The following MAGI2 variants were observed in gnomAD, a reference collection of about 807,000 sequenced individuals.
MAGI2 encodes the protein membrane associated guanylate kinase, WW and PDZ domain containing 2, also known as membrane-associated guanylate kinase, WW and PDZ domain-containing protein 2.
Under a neutral mutation model 133.3 loss-of-function variants are expected in MAGI2, and 35 were observed. The ratio of observed to expected loss-of-function variants is 0.26; its 90% CI spans 0.20 to 0.35. The LOEUF (loss-of-function observed/expected upper bound fraction) is 0.35. Among genes scored for constraint, MAGI2 ranks in the 10% least tolerant of loss-of-function variants. MAGI2 has a pLI of 1.00. For synonymous variants in MAGI2, 729 were observed against 710.6 expected, an observed-to-expected ratio of 1.03 and a Z score of -0.41; for missense variants, 1,636 against 1,863.4, an observed-to-expected ratio of 0.88 and a Z score of 2.25.
intron 2 of MAGI2, among the ~76,000 whole-genome samples, chr7:78,913,160 T>C (rs1006157392): frequency 2.6e-5 from 4 of 152,068 alleles, no homozygotes; most frequent in Non-Finnish European, 5.9e-5. Flanking sequence ...AGAAAATTGA[T>C]ATGGTTTGGC....
intron 9 of MAGI2, among the ~76,000 whole-genome samples, chr7:78,264,810 A>C (rs1793839973): frequency 6.6e-6 from 1 of 152,150 alleles, no homozygotes; most frequent in Non-Finnish European, 1.5e-5. Context: ...TCTGATGAAA[A>C]TGTGGAAAGC....
At chr7:79,201,873 T>G (rs1452982758) in intron 1 of MAGI2, among the ~76,000 whole-genome samples, 1 of 152,058 alleles carries the variant, frequency 6.6e-6, no homozygotes, top group African/African-American at 2.4e-5. Flanking sequence ...TCAATTTTTG[T>G]CTTAGTTAAT....
intron 2 of MAGI2, among the ~76,000 whole-genome samples, chr7:78,707,100 AC>A (rs1209308966): frequency 3.3e-5 from 5 of 152,250 alleles, no homozygotes; most frequent in African/African-American, 1.2e-4. Context: ...AGCTGGGTTT[AC>A]CTCAAGAGCC....
At chr7:79,366,012 C>T (rs946655341) in intron 1 of MAGI2, among the ~76,000 whole-genome samples, 7 of 150,238 alleles carry the variant, frequency 4.7e-5, no homozygotes, top group Non-Finnish European at 8.9e-5. Flanking sequence ...GAAGCCGACA[C>T]AGGAGGATCA....
intron 2 of MAGI2, among the ~76,000 whole-genome samples, chr7:78,673,813 G>T (rs1563334861): frequency 6.6e-6 from 1 of 152,028 alleles, no homozygotes; most frequent in Non-Finnish European, 1.5e-5. Context: ...CAAATATCTG[G>T]ACAATCCGTG....
chr7:78,022,526 T>A (rs902152414), intron 21 of MAGI2, among the ~76,000 whole-genome samples: 10 of 152,236 alleles, frequency 6.6e-5, no homozygotes, highest in Non-Finnish European at 1.2e-4. Flanking sequence ...TTTGGGTTTC[T>A]TTACTCTTTT....
intron 5 of MAGI2, among the ~76,000 whole-genome samples, chr7:78,492,630 G>C (rs544436452): frequency 4.6e-5 from 7 of 152,108 alleles, no homozygotes; most frequent in Non-Finnish European, 7.4e-5. Flanking sequence ...ATAATTGAGG[G>C]ATTCTTCCAC....
At chr7:79,166,996 C>T (rs1824992042) in intron 1 of MAGI2, among the ~76,000 whole-genome samples, 1 of 152,006 alleles carries the variant, frequency 6.6e-6, no homozygotes, top group Non-Finnish European at 1.5e-5. Flanking sequence ...AGGTATACTA[C>T]TCCTCAGGAG....
intron 1 of MAGI2, among the ~76,000 whole-genome samples, chr7:79,170,000 C>T (rs1227310952): frequency 2.0e-5 from 3 of 151,686 alleles, no homozygotes; most frequent in Admixed American, 6.6e-5. Flanking sequence ...ATTCAATTTC[C>T]CTTAATTTGG....
At chr7:78,322,656 T>C (rs1329121077) in intron 9 of MAGI2, among the ~76,000 whole-genome samples, 1 of 152,102 alleles carries the variant, frequency 6.6e-6, no homozygotes, top group East Asian at 1.9e-4. Flanking sequence ...AAATACCTAA[T>C]GTAGATGACA....
intron 1 of MAGI2, among the ~76,000 whole-genome samples, chr7:79,373,955 T>C (rs1289971312): frequency 6.6e-6 from 1 of 152,030 alleles, no homozygotes; most frequent in African/African-American, 2.4e-5. Flanking sequence ...TTTTATGCCA[T>C]ATTTGTATAA....
chr7:78,132,759 C>T (rs976470972), intron 18 of MAGI2, 130 bp downstream of exon 18: 3 of 1,341,516 alleles, frequency 2.2e-6, no homozygotes, highest in Middle Eastern at 1.9e-4. Flanking sequence ...CGAAATCACA[C>T]AAAGGTATGC....
intron 2 of MAGI2, among the ~76,000 whole-genome samples, chr7:78,685,618 A>G (rs1816204574): frequency 6.6e-6 from 1 of 150,828 alleles, no homozygotes; most frequent in African/African-American, 2.4e-5. Flanking sequence ...TTTTGAACTG[A>G]AAGTCATTAT....
At chr7:78,984,465 T>G (rs571880911) in intron 2 of MAGI2, among the ~76,000 whole-genome samples, 1 of 151,994 alleles carries the variant, frequency 6.6e-6, no homozygotes, top group African/African-American at 2.4e-5. Context: ...CTCCCCTTCC[T>G]TCCCATTAAT....
chr7:78,360,666 T>C (rs762940109), intron 7 of MAGI2, among the ~76,000 whole-genome samples: 1 of 152,200 alleles, frequency 6.6e-6, no homozygotes, highest in Non-Finnish European at 1.5e-5. Flanking sequence ...CTAGCAGTGT[T>C]TTCTGGGTTG....
chr7:78,553,168 A>G (rs1162652985), intron 3 of MAGI2, among the ~76,000 whole-genome samples: 1 of 151,912 alleles, frequency 6.6e-6, no homozygotes, highest in Non-Finnish European at 1.5e-5. Flanking sequence ...GTAACGGCCT[A>G]GGTTTTACAA....
intron 2 of MAGI2, among the ~76,000 whole-genome samples, chr7:78,680,470 A>T (rs936837072): frequency 9.9e-5 from 15 of 152,148 alleles, no homozygotes; most frequent in African/African-American, 3.6e-4. Context: ...CAATAAAAGA[A>T]CAGGATTGAG....
chr7:78,888,196 T>C (rs1449913426), intron 2 of MAGI2, among the ~76,000 whole-genome samples: 4 of 152,168 alleles, frequency 2.6e-5, no homozygotes, highest in Non-Finnish European at 5.9e-5. Flanking sequence ...GCGCCCACCA[T>C]TGCTGAGGCT....
intron 20 of MAGI2, among the ~76,000 whole-genome samples, chr7:78,124,569 G>A (rs989783958): frequency 6.6e-6 from 1 of 152,226 alleles, no homozygotes; most frequent in South Asian, 2.1e-4. Context: ...TGGTTGGTGA[G>A]GCTCTGCACA....
Sources: gnomAD v4.1 joint callset for allele counts (sites outside exome capture counted in the v4.1 genomes callset) on GRCh38, gnomAD v4.1.1 for gene constraint, MANE v1.5 for transcripts, NCBI Gene and HGNC (gene_info 2026-07-23, HGNC 2026-07-21) for gene names.